Variants in PDK1 observed in about 807,000 individuals in gnomAD.
PDK1 encodes pyruvate dehydrogenase kinase 1, also known as [Pyruvate dehydrogenase (acetyl-transferring)] kinase isozyme 1, mitochondrial.
A neutral mutation model predicts 54.2 loss-of-function variants in PDK1; 39 were observed. That is an observed-to-expected ratio of 0.72 (90% CI 0.56 to 0.94). PDK1 has a LOEUF of 0.94. Ranked by LOEUF, PDK1 falls within the 40% of genes least tolerant of loss-of-function variation. The pLI is 0.00. For synonymous variants in PDK1, 221 were observed against 207.1 expected, an observed-to-expected ratio of 1.07 and a Z score of -0.58; for missense variants, 552 against 566.0, an observed-to-expected ratio of 0.98 and a Z score of 0.25.
chr2:172,612,322 T>C (rs763826311), downstream of PDK1, among the ~76,000 whole-genome samples: 45 of 152,246 alleles, frequency 3.0e-4, no homozygotes, highest in Non-Finnish European at 5.9e-4. Flanking sequence ...GAGTTAATAT[T>C]GTTTAGACAT....
chr2:172,587,029 T>C (rs1373428782), intron 9 of PDK1, among the ~76,000 whole-genome samples: 1 of 152,202 alleles, frequency 6.6e-6, no homozygotes, highest in African/African-American at 2.4e-5. Context: ...CTTGGAAACT[T>C]CTCTGACATT....
In PDK1 at chr2:172,558,810, ATCT is replaced by A. The variant is rs868835866; in HGVS notation, c.303_305del (p.Leu102del). The A allele has an allele frequency of 6.2e-7, 1 of 1,611,912 alleles. No individual in the cohort carries two copies. Among genetic ancestry groups the A allele is most frequent in the South Asian group, 1.1e-5 (1 of 90,648 alleles). ...AAAGAAATAAGTCTCCTTCCAGATA[ATCT>A]TCTCAGGACACCATCCGTTCAATTG... On this transcript the variant is annotated inframe_deletion, in exon 2 of 11. Coordinates refer to ENST00000282077, the MANE Select transcript of PDK1 (RefSeq NM_002610.5).
chr2:172,564,178 C>T (rs1175703040), intron 3 of PDK1: 3 of 480,646 alleles, frequency 6.2e-6, no homozygotes, highest in African/African-American at 2.0e-5. Flanking sequence ...GAATACCATC[C>T]TCTTAGCCAG....
At chr2:172,591,830 A>G (rs920966969) in intron 9 of PDK1, among the ~76,000 whole-genome samples, 4 of 152,224 alleles carry the variant, frequency 2.6e-5, no homozygotes, top group Admixed American at 2.6e-4. Context: ...TATTAACTTA[A>G]AATTGGTATA....
chr2:172,681,764 GTTA>G, the PDK1 span, among the ~76,000 whole-genome samples: 1 of 152,040 alleles, frequency 6.6e-6, no homozygotes, highest in Admixed American at 6.6e-5. Flanking sequence ...TTATCTATTA[GTTA>G]TTATTATTTT....
At chr2:172,563,016 G>A (rs1451764149) in intron 3 of PDK1, among the ~76,000 whole-genome samples, 3 of 152,170 alleles carry the variant, frequency 2.0e-5, no homozygotes, top group African/African-American at 7.2e-5. Flanking sequence ...AATAACTTCA[G>A]CAAGAGTTTA....
chr2:172,720,796 T>C, the PDK1 span, among the ~76,000 whole-genome samples: 3 of 152,176 alleles, frequency 2.0e-5, no homozygotes, highest in African/African-American at 7.2e-5. Flanking sequence ...ATGAAGTTTC[T>C]GGTTCTTCCC....
At chr2:172,652,179 A>G in the PDK1 span, among the ~76,000 whole-genome samples, 2 of 152,220 alleles carry the variant, frequency 1.3e-5, no homozygotes, top group Non-Finnish European at 1.5e-5. Flanking sequence ...CAAATCAATG[A>G]AAGTAATCCA....
the PDK1 span, among the ~76,000 whole-genome samples, chr2:172,652,684 CAGAG>C: frequency 2.6e-5 from 4 of 152,132 alleles, no homozygotes; most frequent in African/African-American, 7.2e-5. Context: ...AACAGACAAA[CAGAG>C]AGCCAAATCA....
chr2:172,586,323 CTT>C lies in PDK1; in HGVS notation c.994_995del (p.Phe332GlnfsTer13), dbSNP rs1690224549. 1 of 1,613,346 alleles carries C rather than the reference CTT, an allele frequency of 6.2e-7. No individual in the cohort carries two copies. Among genetic ancestry groups the C allele is most frequent in the Admixed American group, 1.7e-5 (1 of 60,002 alleles). ...GGVPLRKIDRLFNYMYSTAPR... is the reference protein window; with the variant it reads ...GGVPLRKIDRXFNYMYSTAPR... ...CGTTCCTTTGAGGAAAATTGACAGA[CTT>C]TTCAACTACATGTATTCAACTGCAC... On this transcript the variant is annotated frameshift_variant, in exon 9 of 11. Transcript: ENST00000282077. LOFTEE classifies it high-confidence loss of function.
At chr2:172,586,412 G>C (rs182748550) in intron 9 of PDK1, 24 bp downstream of exon 9, 13 of 1,404,706 alleles carry the variant, frequency 9.3e-6, no homozygotes, top group Non-Finnish European at 1.3e-5. Context: ...AAATAATGAA[G>C]TGTGTTTCTG....
the PDK1 span, among the ~76,000 whole-genome samples, chr2:172,632,980 C>CA: frequency 3.5e-3 from 263 of 75,462 alleles, 11 homozygotes; most frequent in Middle Eastern, 0.026. Context: ...GATTCTGTCT[C>CA]AAAAAAAAAA....
intron 8 of PDK1, 112 bp from the exon 9 acceptor site, chr2:172,586,166 A>G (rs1335826142): frequency 3.5e-5 from 20 of 578,562 alleles, no homozygotes; most frequent in Non-Finnish European, 4.9e-5. Flanking sequence ...CTCAAAAAAA[A>G]AAAAAAAAAG....
At chr2:172,648,123 G>A in the PDK1 span, among the ~76,000 whole-genome samples, 14 of 152,192 alleles carry the variant, frequency 9.2e-5, no homozygotes, top group African/African-American at 3.4e-4. Context: ...AACGTGGGAA[G>A]CTGACTTGGA....
chr2:172,586,732 A>T (rs892465154), intron 9 of PDK1, among the ~76,000 whole-genome samples: 2 of 152,136 alleles, frequency 1.3e-5, no homozygotes, highest in South Asian at 4.1e-4. Flanking sequence ...TCAACACTGA[A>T]TTACTTTTTA....
the PDK1 span, among the ~76,000 whole-genome samples, chr2:172,645,420 G>A: frequency 6.6e-6 from 1 of 151,622 alleles, no homozygotes; most frequent in Non-Finnish European, 1.5e-5. Context: ...CACCACGCCC[G>A]GCTAATTTCT....
the PDK1 span, among the ~76,000 whole-genome samples, chr2:172,652,828 A>G: frequency 6.6e-6 from 1 of 152,218 alleles, no homozygotes; most frequent in South Asian, 2.1e-4. Context: ...AGAGCACACA[A>G]ACAAATGGAA....
the PDK1 span, among the ~76,000 whole-genome samples, chr2:172,690,639 G>T: frequency 6.7e-6 from 1 of 150,226 alleles, no homozygotes; most frequent in East Asian, 2.1e-4. Context: ...AAGAAAATGT[G>T]GCACATATAC....
chr2:172,655,793 G>T, the PDK1 span, among the ~76,000 whole-genome samples: 1 of 152,184 alleles, frequency 6.6e-6, no homozygotes, highest in Non-Finnish European at 1.5e-5. Context: ...CCAGCTCAGT[G>T]GACCCTCTGC....
Sources: allele counts gnomAD v4.1 joint callset (sites outside exome capture counted in the v4.1 genomes callset), GRCh38; gene constraint gnomAD v4.1.1; transcripts MANE v1.5; gene names NCBI Gene and HGNC (gene_info 2026-07-23, HGNC 2026-07-21).